The following UPRT variants were observed in gnomAD, a reference collection of about 807,000 sequenced individuals.
UPRT encodes the protein RP11-311P8.3.
In UPRT, 5 loss-of-function variants were observed where a neutral mutation model predicts 22.6. The observed-to-expected ratio is 0.22, with a 90% CI of 0.12 to 0.47. The LOEUF (loss-of-function observed/expected upper bound fraction) is 0.47, where lower values mean the gene tolerates loss of function less well. Ranked by LOEUF, UPRT falls within the 20% of genes least tolerant of loss-of-function variation. The pLI, the probability that UPRT is intolerant of heterozygous loss-of-function variation, is 0.99. For synonymous variants in UPRT, 77 were observed against 87.7 expected (o/e 0.88, Z 0.68); for missense variants, 181 against 239.9 (o/e 0.75, Z 1.62).
chrX:75,158,541 T>A (rs983485319), intron 1 of UPRT, among the ~76,000 whole-genome samples: 2 of 111,568 alleles, frequency 1.8e-5, no homozygotes, highest in Non-Finnish European at 3.8e-5. Context: ...TGTGACTAGG[T>A]CAGAGGCCAC....
chrX:75,272,310 G>GTATATA (rs1569279411), upstream of UPRT, among the ~76,000 whole-genome samples: 1 of 88,452 alleles, frequency 1.1e-5, no homozygotes, highest in African/African-American at 4.5e-5. Flanking sequence ...GTATATATAT[G>GTATATA]TGTATATATA....
At chrX:75,232,690 C>T (rs1473839583) in intron 4 of UPRT, among the ~76,000 whole-genome samples, 3 of 111,173 alleles carry the variant, frequency 2.7e-5, no homozygotes, top group Non-Finnish European at 5.7e-5. Context: ...ACACCTCACA[C>T]GGCCGGGTAC....
chrX:75,177,367 G>A (rs182230606), intron 4 of UPRT, among the ~76,000 whole-genome samples: 2 of 111,668 alleles, frequency 1.8e-5, no homozygotes, highest in African/African-American at 3.3e-5. Flanking sequence ...GAGGAAGGTC[G>A]GATTTAGTGG....
In UPRT at chrX:75,274,560, C is replaced by T; in HGVS notation, c.306C>T (p.Leu102=). The T allele has an allele frequency of 1.7e-6, 2 of 1,211,193 alleles. No homozygotes were observed. The highest frequency in any genetic ancestry group is 2.2e-6 in the Non-Finnish European group (2 of 895,244). ...AGNSFLEDCE[L]SRQIGAQLKL... is the part of the protein sequence containing the mutation. ...ACTCCTTCCTAGAGGACTGCGAACT[C>T]TCCCGGCAGATCGGGGCGCAGCTTA... Residue 102 remains leucine (L), a synonymous_variant, in exon 1 of 7, where the codon CTC becomes CTT. Coordinates refer to ENST00000373383, the MANE Select transcript of UPRT (RefSeq NM_145052.4).
At position 75,286,198 on chromosome X, in the gene UPRT, C is replaced by A. The variant is rs768615097; in HGVS notation, c.387-7274C>A. 3.7e-5 allele frequency among the ~76,000 whole-genome samples: 4 copies of A among 109,376 alleles called. No homozygotes were observed. In the Admixed American group the frequency reaches 3.9e-4, roughly 11 times the overall value. 95.0% of individuals were successfully genotyped at this position (109,376 alleles called of 115,157 possible). On this transcript the variant is annotated intron_variant, in intron 1 of 6. Transcript: ENST00000373383. ...TTCCTCCTCAACTTAGATTGCCTGG[C>A]AAAGTACAGGATGCTCAGTTAAATC...
rs1259440604 is a variant in UPRT at position 75,217,857 on chromosome X, C to T, written c.-447+49978C>T. Reference sequence around the variant, plus strand: ...AGATGTAGAAAGCTGAAACTGGATCCCTTCCTTACACCTTATACAAAAATT... The same window carrying T: ...AGATGTAGAAAGCTGAAACTGGATCTCTTCCTTACACCTTATACAAAAATT... On this transcript the variant is annotated intron_variant, in intron 4 of 13. Coordinates refer to the UPRT transcript ENST00000652605. 4.5e-5 allele frequency among the ~76,000 whole-genome samples: 5 copies of T among 111,944 alleles called. No individual in the cohort carries two copies. In the East Asian group the frequency reaches 1.4e-3, roughly 31 times the overall value.
intron 4 of UPRT, among the ~76,000 whole-genome samples, chrX:75,182,447 A>C (rs1385325197): frequency 3.6e-5 from 4 of 111,376 alleles, no homozygotes; most frequent in African/African-American, 1.3e-4. Context: ...GCTCTTCTTT[A>C]TACATCTGCT....
At chrX:75,289,627 A>G (rs976303316) in intron 1 of UPRT, among the ~76,000 whole-genome samples, 1 of 111,388 alleles carries the variant, frequency 9.0e-6, no homozygotes. Context: ...GACTGATAGA[A>G]CAGAGTAGAG....
intron 4 of UPRT, among the ~76,000 whole-genome samples, chrX:75,182,578 T>C (rs1412927658): frequency 8.9e-6 from 1 of 111,765 alleles, no homozygotes; most frequent in Non-Finnish European, 1.9e-5. Context: ...GGTTAAATCT[T>C]GGGAGGCTTA....
chrX:75,191,140 G>A (rs902892727), intron 4 of UPRT, among the ~76,000 whole-genome samples: 7 of 111,831 alleles, frequency 6.3e-5, no homozygotes, highest in African/African-American at 1.3e-4. Flanking sequence ...TGATGGCGAC[G>A]TACAGATGGG....
At chrX:75,258,331 A>G (rs1232018879) in intron 4 of UPRT, among the ~76,000 whole-genome samples, 1 of 107,770 alleles carries the variant, frequency 9.3e-6, no homozygotes, top group Non-Finnish European at 1.9e-5. Context: ...CTGGCTTGGC[A>G]GGTCCCACCC....
At chrX:75,182,673 A>G (rs190422113) in intron 4 of UPRT, among the ~76,000 whole-genome samples, 117 of 111,182 alleles carry the variant, frequency 1.1e-3, no homozygotes, top group African/African-American at 3.7e-3. Flanking sequence ...TGTTTTTTGT[A>G]TATTTGTGGG....
At chrX:75,175,843 G>C (rs763004615) in intron 4 of UPRT, among the ~76,000 whole-genome samples, 3 of 111,446 alleles carry the variant, frequency 2.7e-5, no homozygotes, top group African/African-American at 9.8e-5. Context: ...CTAAGGCTGC[G>C]GCCTTTCTCT....
chrX:75,248,229 G>A (rs2082514219), intron 4 of UPRT, among the ~76,000 whole-genome samples: 1 of 112,014 alleles, frequency 8.9e-6, no homozygotes, highest in Admixed American at 9.5e-5. Context: ...ACTTTGACGA[G>A]AGAAGAAGGC....
At chrX:75,272,324 A>G (rs1361316765), upstream of UPRT, among the ~76,000 whole-genome samples, 2 of 95,350 alleles carry the variant, frequency 2.1e-5, no homozygotes, top group Non-Finnish European at 4.1e-5. Context: ...ATATATACAT[A>G]TATATGTATA....
intron 3 of UPRT, among the ~76,000 whole-genome samples, chrX:75,164,176 CTAAA>C (rs768965736): frequency 8.2e-5 from 9 of 110,219 alleles, no homozygotes; most frequent in East Asian, 2.8e-4. Flanking sequence ...GTCTCCATCT[CTAAA>C]TAAATAAATA....
At chrX:75,212,176 TAACA>T (rs1376085820) in intron 4 of UPRT, among the ~76,000 whole-genome samples, 1 of 112,336 alleles carries the variant, frequency 8.9e-6, no homozygotes, top group Non-Finnish European at 1.9e-5. Flanking sequence ...CAATTTGGAC[TAACA>T]AACCTGCTAG....
At chrX:75,186,299 C>G (rs764450820) in intron 4 of UPRT, among the ~76,000 whole-genome samples, 86 of 111,663 alleles carry the variant, frequency 7.7e-4, no homozygotes, top group African/African-American at 2.7e-3. Flanking sequence ...CATTCAGGAG[C>G]AGGTTGTTCA....
In UPRT at chrX:75,242,732, G is replaced by A. The variant is rs185658617; in HGVS notation, c.-446-48292G>A. Among the ~76,000 whole-genome samples, 6 of 111,031 alleles carry A rather than the reference G, an allele frequency of 5.4e-5. No homozygotes were observed. In the South Asian group the frequency reaches 1.5e-3, roughly 28 times the overall value. On this transcript the variant is annotated intron_variant, in intron 4 of 13. Transcript: ENST00000652605. ...TAAAACATATTGCATAGAAAATAGG[G>A]TTTAATATTAATTCTCTTTTGTCTT...
Sources: gnomAD v4.1 joint callset for allele counts (sites outside exome capture counted in the v4.1 genomes callset) on GRCh38, gnomAD v4.1.1 for gene constraint, MANE v1.5 for transcripts, NCBI Gene and HGNC (gene_info 2026-07-23, HGNC 2026-07-21) for gene names.